TTLL12: variants seen among roughly 807,000 people sequenced by gnomAD.
TTLL12 encodes tubulin--tyrosine ligase-like protein 12.
A neutral mutation model predicts 79.6 loss-of-function variants in TTLL12; 77 were observed. That is an observed-to-expected ratio of 0.97 (90% CI 0.81 to 1.17). TTLL12 has a LOEUF of 1.17. Among genes scored for constraint, TTLL12 ranks in the 50% most tolerant of loss-of-function variants. The pLI is 0.00. For synonymous variants in TTLL12, 437 were observed against 376.1 expected (o/e 1.16, Z -1.87); for missense variants, 969 against 895.9 (o/e 1.08, Z -1.04).
intron 11 of TTLL12, chr22:43,171,614 G>A (rs979766449): frequency 2.4e-5 from 13 of 544,932 alleles, no homozygotes; most frequent in East Asian, 8.9e-5. Context: ...CCTCTGTGCC[G>A]TGGGGAGACC....
At chr22:43,184,059 C>T (rs743808) in intron 1 of TTLL12, among the ~76,000 whole-genome samples, 76,952 of 152,140 alleles carry the variant, frequency 0.51, 20,318 homozygotes, top group Non-Finnish European at 0.59. Context: ...TCTATAAACA[C>T]GTGGCGCCAT....
In TTLL12 at chr22:43,176,312, C is replaced by G. The variant is rs772941770; in HGVS notation, c.917+8G>C. 1.9e-6 allele frequency: 3 copies of G among 1,563,228 alleles called. No individual in the cohort carries two copies. The highest frequency in any genetic ancestry group is 2.7e-5 in the African/African-American group (2 of 74,366). On this transcript the variant is annotated splice_region_variant and intron_variant, in intron 6 of 13. Coordinates refer to ENST00000216129, the MANE Select transcript of TTLL12 (RefSeq NM_015140.4). ...TCCCAGCCCAAGCAGTGGGGGGGGG[C>G]TACGCACTTGAAGATGTGGCCGTGG...
At chr22:43,168,532 C>T (rs987474915) in intron 13 of TTLL12, among the ~76,000 whole-genome samples, 1 of 152,130 alleles carries the variant, frequency 6.6e-6, no homozygotes, top group Non-Finnish European at 1.5e-5. Context: ...GTGCCTTTCA[C>T]ACGGGTCTCC....
At chr22:43,178,407 C>T (rs965795933) in intron 5 of TTLL12, among the ~76,000 whole-genome samples, 9 of 152,026 alleles carry the variant, frequency 5.9e-5, no homozygotes, top group East Asian at 3.9e-4. Flanking sequence ...CTGCAAGCTC[C>T]GCCTCCTGGG....
In TTLL12 at chr22:43,169,588, C is replaced by T. The variant is rs766439225; in HGVS notation, c.1576-20G>A. ...GTGCACCTGCAACAGACACAGGGCCCATCACGCTCTGTACAGGCCTCCGCT... is the reference window on the plus strand; with the variant it reads ...GTGCACCTGCAACAGACACAGGGCCTATCACGCTCTGTACAGGCCTCCGCT... On this transcript the variant is annotated intron_variant, in intron 11 of 13. Transcript: ENST00000216129. The T allele has an allele frequency of 6.2e-7, 1 of 1,612,250 alleles. No homozygotes were observed. The highest frequency in any genetic ancestry group is 1.1e-5 in the South Asian group (1 of 90,810).
rs763145284 is a variant in TTLL12 at position 43,169,584 on chromosome 22, G to A, written c.1576-16C>T. On this transcript the variant is annotated splice_polypyrimidine_tract_variant and intron_variant, in intron 11 of 13. Transcript: ENST00000216129. ...CACAGTGCACCTGCAACAGACACAG[G>A]GCCCATCACGCTCTGTACAGGCCTC... 1.2e-6 allele frequency: 2 copies of A among 1,612,598 alleles called. No individual in the cohort carries two copies. The highest frequency in any genetic ancestry group is 1.7e-6 in the Non-Finnish European group (2 of 1,179,336).
intron 4 of TTLL12, 35 bp downstream of exon 4, chr22:43,179,806 G>GC (rs1479276012): frequency 3.9e-6 from 6 of 1,554,050 alleles, no homozygotes; most frequent in Non-Finnish European, 5.2e-6. Flanking sequence ...CTGGGCTGAG[G>GC]CCCCTCCTCC....
intron 5 of TTLL12, among the ~76,000 whole-genome samples, chr22:43,177,272 G>A (rs1931939384): frequency 6.6e-6 from 1 of 152,018 alleles, no homozygotes; most frequent in African/African-American, 2.4e-5. Flanking sequence ...GGGAGGCTGA[G>A]GCAGGAGGAT....
intron 1 of TTLL12, among the ~76,000 whole-genome samples, chr22:43,184,262 C>T (rs1415134322): frequency 6.6e-6 from 1 of 152,252 alleles, no homozygotes; most frequent in Non-Finnish European, 1.5e-5. Flanking sequence ...TAGCTAAGTA[C>T]TCAGGTGCAG....
rs576602607 is a variant in TTLL12 at position 43,185,991 on chromosome 22, C to T, written c.177+902G>A. On this transcript the variant is annotated intron_variant, in intron 1 of 13. Transcript: ENST00000216129. ...CGTTTCCAGCAGGAAGGTTCCTAGTCCAATCAGGATTACACAGAGAAAAAC... is the reference window on the plus strand; with the variant it reads ...CGTTTCCAGCAGGAAGGTTCCTAGTTCAATCAGGATTACACAGAGAAAAAC... 39 of 985,456 alleles carry T rather than the reference C, an allele frequency of 4.0e-5. No individual in the cohort carries two copies. The African/African-American group carries it at 6.5e-4, about 16-fold the overall frequency. The allele number at this position is 985,456 out of a possible 1,614,324, so 61.0% of individuals were successfully genotyped here.
chr22:43,187,082 CGCGCCGACTCCA>C lies in TTLL12; in HGVS notation c.-25_-14del, dbSNP rs1001943288. 8 of 1,143,272 alleles carry C rather than the reference CGCGCCGACTCCA, an allele frequency of 7.0e-6. No homozygotes were observed. Among genetic ancestry groups the C allele is most frequent in the Non-Finnish European group, 8.5e-6 (8 of 936,624 alleles). The allele number at this position is 1,143,272 out of a possible 1,614,324, so 70.8% of individuals were successfully genotyped here. A position where few individuals can be genotyped will look rare whatever the true frequency, so the allele number is the denominator to read the frequency against. The stretch of plus-strand genomic sequence containing the variant: ...GCTCGGCCTCCATGGCGCCAGCACC[CGCGCCGACTCCA>C]GCGCCGCCACCGCCGCCGCCGCCCG... On this transcript the variant is annotated 5_prime_UTR_variant, in exon 1 of 14. Transcript: ENST00000216129.
chr22:43,172,493 T>C lies in TTLL12; in HGVS notation c.1403A>G (p.Lys468Arg), dbSNP rs762825330. ...LFLREDVGKV[K>R]FDIRYIVLLR... ...CAGCACGATGTAGCGGATGTCGAACTTGACCTTTCCCACGTCTTCTCGAAG... is the reference window on the plus strand; with the variant it reads ...CAGCACGATGTAGCGGATGTCGAACCTGACCTTTCCCACGTCTTCTCGAAG... Residue 468 changes from lysine (K) to arginine (R), a missense_variant, in exon 10 of 14, where the codon AAG becomes AGG. Lys to Arg is a conservative substitution (Grantham distance 26). Coordinates refer to ENST00000216129, the MANE Select transcript of TTLL12 (RefSeq NM_015140.4). 5.6e-6 allele frequency: 9 copies of C among 1,614,000 alleles called. No individual in the cohort carries two copies. Among genetic ancestry groups the C allele is most frequent in the Non-Finnish European group, 7.6e-6 (9 of 1,180,034 alleles).
chr22:43,174,070 G>A (rs1207120080), intron 8 of TTLL12, 139 bp downstream of exon 8: 2 of 1,210,652 alleles, frequency 1.7e-6, no homozygotes, highest in East Asian at 2.3e-5. Flanking sequence ...CCGTGAAGAC[G>A]GCCGTGACGT....
At chr22:43,171,939 C>A in intron 10 of TTLL12, 39 bp from the exon 11 acceptor site, 1 of 1,585,098 alleles carries the variant, frequency 6.3e-7, no homozygotes, top group Non-Finnish European at 8.6e-7. Context: ...GGTTCTTGAG[C>A]GGCCTTGTCC....
At chr22:43,173,301 A>G (rs10222319) in intron 9 of TTLL12, among the ~76,000 whole-genome samples, 15,024 of 152,118 alleles carry the variant, frequency 0.099, 2,467 homozygotes, top group African/African-American at 0.34. Context: ...CTTTGCGATT[A>G]GACGCACCCA....
chr22:43,184,799 C>T (rs1932139277), intron 1 of TTLL12, among the ~76,000 whole-genome samples: 1 of 152,198 alleles, frequency 6.6e-6, no homozygotes, highest in African/African-American at 2.4e-5. Context: ...CTGGATTCAA[C>T]CCAGCTGTGA....
Position 43,180,812 on chromosome 22 carries a change from C to T in TTLL12, c.476G>A (p.Ser159Asn). Reference protein sequence around the residue: ...MGIEFHGELPSTEAVALVLEE... With the variant: ...MGIEFHGELPNTEAVALVLEE... ...CAGCACCAGGGCCACAGCCTCTGTA[C>T]TGGGCAGCTCACCGTGGAACTCAAT... Residue 159 changes from serine to asparagine, a missense_variant, in exon 3 of 14, where the codon AGT (serine) becomes AAT (asparagine). Coordinates refer to ENST00000216129, the MANE Select transcript of TTLL12 (RefSeq NM_015140.4). 2.5e-6 allele frequency: 4 copies of T among 1,613,208 alleles called. No homozygotes were observed. Among genetic ancestry groups the T allele is most frequent in the East Asian group, 2.2e-5 (1 of 44,876 alleles).
intron 2 of TTLL12, 138 bp from the exon 3 acceptor site, chr22:43,181,078 G>T: frequency 2.0e-6 from 2 of 999,882 alleles, no homozygotes; most frequent in Non-Finnish European, 2.9e-6. Flanking sequence ...CCATAGTTAT[G>T]CCTAGTTTTG....
intron 6 of TTLL12, among the ~76,000 whole-genome samples, chr22:43,175,022 G>A (rs1350730403): frequency 6.6e-6 from 1 of 152,266 alleles, no homozygotes; most frequent in Non-Finnish European, 1.5e-5. Flanking sequence ...CAGAGGAGGT[G>A]GAGGGACCTT....
Sources: allele counts gnomAD v4.1 joint callset (sites outside exome capture counted in the v4.1 genomes callset), GRCh38; gene constraint gnomAD v4.1.1; transcripts MANE v1.5; gene names NCBI Gene and HGNC (gene_info 2026-07-23, HGNC 2026-07-21).